Variants in HNMT observed in about 807,000 individuals in gnomAD.
HNMT encodes the protein histamine N-methyltransferase.
HNMT carries 30 observed loss-of-function variants against 32.1 expected under a neutral mutation model. That is an observed-to-expected ratio of 0.93 (90% CI 0.70 to 1.27). The LOEUF (loss-of-function observed/expected upper bound fraction) is 1.27. Ranked by LOEUF, HNMT falls within the 50% of genes most tolerant of loss-of-function variation. HNMT has a pLI of 0.00. For synonymous variants in HNMT, 125 were observed against 119.0 expected (o/e 1.05, Z -0.33); for missense variants, 327 against 346.0 (o/e 0.95, Z 0.43).
At chr2:137,988,105 A>T (rs1165268260) in intron 2 of HNMT, among the ~76,000 whole-genome samples, 1 of 152,204 alleles carries the variant, frequency 6.6e-6, no homozygotes, top group Non-Finnish European at 1.5e-5. Flanking sequence ...CGCAAAATTC[A>T]GAATATAAAA....
At chr2:137,999,662 C>G (rs1681100676) in intron 2 of HNMT, among the ~76,000 whole-genome samples, 2 of 152,102 alleles carry the variant, frequency 1.3e-5, no homozygotes, top group African/African-American at 4.8e-5. Context: ...CTAATCTTGC[C>G]AGGAGGTATT....
At chr2:137,978,168 T>C (rs1680342959) in intron 2 of HNMT, among the ~76,000 whole-genome samples, 1 of 151,884 alleles carries the variant, frequency 6.6e-6, no homozygotes, top group African/African-American at 2.4e-5. Flanking sequence ...GTAAGATTTT[T>C]GCACAAAAAT....
chr2:137,981,432 T>C, intron 2 of HNMT: 2 of 1,449,300 alleles, frequency 1.4e-6, no homozygotes, highest in Non-Finnish European at 1.9e-6. Flanking sequence ...TGAAGCCTAC[T>C]AGATCACACA....
chr2:137,964,910 G>C (rs1370695708), intron 1 of HNMT, among the ~76,000 whole-genome samples: 1 of 152,098 alleles, frequency 6.6e-6, no homozygotes, highest in African/African-American at 2.4e-5. Context: ...ATGTTCATTT[G>C]GGAAAAGATA....
chr2:138,007,483 C>T lies in HNMT; in HGVS notation c.523+2258C>T, dbSNP rs139036259. Among the ~76,000 whole-genome samples the T allele has an allele frequency of 7.6e-4, 115 of 152,058 alleles. 1 individual carries two copies. Among genetic ancestry groups the T allele is most frequent in the African/African-American group, 2.7e-3 (114 of 41,494 alleles). ...CTGGAATGTCCCCAGATTCTCCAATCCTATCGGCATGTCATACTTAACTCT... is the reference window on the plus strand; with the variant it reads ...CTGGAATGTCCCCAGATTCTCCAATTCTATCGGCATGTCATACTTAACTCT... On this transcript the variant is annotated intron_variant, in intron 5 of 5. Transcript: ENST00000280097.
At chr2:137,991,604 G>A (rs1427626154) in intron 2 of HNMT, among the ~76,000 whole-genome samples, 2 of 152,034 alleles carry the variant, frequency 1.3e-5, no homozygotes, top group South Asian at 2.1e-4. Context: ...CATAAGCCAG[G>A]AGCCATAGAT....
chr2:138,009,650 T>G (rs749116238), intron 5 of HNMT, among the ~76,000 whole-genome samples: 23 of 152,050 alleles, frequency 1.5e-4, no homozygotes, highest in Admixed American at 2.6e-4. Context: ...GAAACAAATT[T>G]GATCACAAGA....
chr2:138,008,054 C>CG (rs796858560), intron 5 of HNMT, among the ~76,000 whole-genome samples: 2 of 151,744 alleles, frequency 1.3e-5, no homozygotes, highest in Non-Finnish European at 2.9e-5. Flanking sequence ...TAAACGTGTC[C>CG]GGGGGGTTGT....
chr2:137,966,764 C>T (rs1679970066), intron 1 of HNMT, among the ~76,000 whole-genome samples: 1 of 108,294 alleles, frequency 9.2e-6, no homozygotes, highest in Admixed American at 1.1e-4. Flanking sequence ...CTGAAGCCCT[C>T]TGTTCTTTTT....
At chr2:138,007,975 T>C (rs1209231542) in intron 5 of HNMT, among the ~76,000 whole-genome samples, 1 of 152,152 alleles carries the variant, frequency 6.6e-6, no homozygotes, top group Non-Finnish European at 1.5e-5. Flanking sequence ...CTCCTCATTT[T>C]CTATTGCAAC....
At chr2:137,981,662 T>G in intron 2 of HNMT, 1 of 408,916 alleles carries the variant, frequency 2.4e-6, no homozygotes, top group Non-Finnish European at 4.4e-6. Flanking sequence ...CTATATATCA[T>G]GAACTGTGGT....
Position 138,014,124 on chromosome 2 carries a change from G to A in HNMT, c.873G>A (p.Glu291=), listed in dbSNP as rs371416554. The stretch of plus-strand genomic sequence containing the variant: ...ATACTCTGAGTTTCATAGTGATTGA[G>A]GCATAACTATCAATCACAAAAGTAT... ...FNNTLSFIVI[E]A is the part of the protein sequence containing the mutation. Residue 291 remains glutamate, a synonymous_variant, in exon 6 of 6, where the codon GAG becomes GAA. Transcript: ENST00000280097. The A allele has an allele frequency of 2.6e-6, 4 of 1,511,876 alleles. No homozygotes were observed. The African/African-American group carries it at 4.2e-5, about 16-fold the overall frequency. 93.7% of individuals were successfully genotyped at this position (1,511,876 alleles called of 1,614,324 possible).
At chr2:137,973,145 G>A (rs953062341) in intron 2 of HNMT, among the ~76,000 whole-genome samples, 11 of 152,142 alleles carry the variant, frequency 7.2e-5, no homozygotes, top group African/African-American at 2.7e-4. Context: ...TATATACTTA[G>A]CTTTCACTAC....
At chr2:137,994,563 A>G (rs1175001827) in intron 2 of HNMT, among the ~76,000 whole-genome samples, 1 of 152,178 alleles carries the variant, frequency 6.6e-6, no homozygotes, top group African/African-American at 2.4e-5. Flanking sequence ...ATACTCCCAG[A>G]CAATAATAGT....
intron 2 of HNMT, among the ~76,000 whole-genome samples, chr2:137,995,358 C>T (rs986082986): frequency 1.3e-5 from 2 of 152,120 alleles, no homozygotes; most frequent in African/African-American, 4.8e-5. Context: ...CACAGAAATA[C>T]AAACTACCAT....
At position 138,014,422 on chromosome 2, in the gene HNMT, T is replaced by C. The variant is rs1681602599; in HGVS notation, c.*292T>C. The C allele has an allele frequency of 3.8e-6, 1 of 264,594 alleles. No homozygotes were observed. The highest frequency in any genetic ancestry group is 4.7e-5 in the Admixed American group (1 of 21,198). 16.4% of individuals were successfully genotyped at this position (264,594 alleles called of 1,614,324 possible). ...ATGGCATATTGATAATAAAATTCAT[T>C]CCATTTGCTGATTGTCTGAAATTTT... On this transcript the variant is annotated 3_prime_UTR_variant, in exon 6 of 6. Transcript: ENST00000280097.
intron 2 of HNMT, 96 bp from the exon 3 acceptor site, chr2:138,000,822 C>T (rs1573672058): frequency 1.6e-6 from 1 of 607,938 alleles, no homozygotes; most frequent in Non-Finnish European, 2.8e-6. Context: ...GTTAGGCTTT[C>T]CTAGTAAAGG....
At chr2:137,988,226 T>A (rs775670777) in intron 2 of HNMT, among the ~76,000 whole-genome samples, 1 of 152,178 alleles carries the variant, frequency 6.6e-6, no homozygotes, top group Non-Finnish European at 1.5e-5. Context: ...AAGTGATAGG[T>A]TTGCTTAGCA....
chr2:138,011,450 T>C (rs997783061), intron 5 of HNMT, among the ~76,000 whole-genome samples: 1 of 152,146 alleles, frequency 6.6e-6, no homozygotes, highest in Non-Finnish European at 1.5e-5. Context: ...CCTCTCCCTC[T>C]TCTGAAATAT....
Sources: gnomAD v4.1 joint callset for allele counts (sites outside exome capture counted in the v4.1 genomes callset) on GRCh38, gnomAD v4.1.1 for gene constraint, MANE v1.5 for transcripts, NCBI Gene and HGNC (gene_info 2026-07-23, HGNC 2026-07-21) for gene names.